The following FBN2 variants were observed in gnomAD, a reference collection of about 807,000 sequenced individuals.
The protein encoded by FBN2 is fibrillin 2.
Under a neutral mutation model 355.6 loss-of-function variants are expected in FBN2, and 105 were observed. The ratio of observed to expected loss-of-function variants is 0.30; its 90% CI spans 0.25 to 0.35. The LOEUF (loss-of-function observed/expected upper bound fraction) is 0.35. Ranked by LOEUF, FBN2 falls within the 10% of genes least tolerant of loss-of-function variation. The probability of loss-of-function intolerance (pLI) is 1.00; values close to 1 mark genes in which losing one functional copy is unlikely to be tolerated. For synonymous variants in FBN2, 1,350 were observed against 1,301.2 expected (o/e 1.04, Z -0.81); for missense variants, 3,280 against 3,758.7 (o/e 0.87, Z 3.33).
Position 128,259,536 on chromosome 5 carries a change from C to G in FBN2, c.8658G>C (p.Leu2886=). The change falls in exon 65 of 65, where the codon CTG becomes CTC. Residue 2886 remains leucine (L), a synonymous_variant. Coordinates refer to ENST00000262464, the MANE Select transcript of FBN2 (RefSeq NM_001999.4). ...PLYKKKELKK[L]EESNEDDYLL... ...GGTAGTCATCCTCATTGCTCTCTTC[C>G]AGTTTCTTAAGCTCCTTCTTCTTGT... 6.2e-7 allele frequency: 1 copy of G among 1,614,008 alleles called. No homozygotes were observed. Among genetic ancestry groups the G allele is most frequent in the Non-Finnish European group, 8.5e-7 (1 of 1,179,998 alleles).
At chr5:128,457,550 A>G (rs1438444294) in intron 6 of FBN2, among the ~76,000 whole-genome samples, 1 of 152,192 alleles carries the variant, frequency 6.6e-6, no homozygotes, top group Non-Finnish European at 1.5e-5. Flanking sequence ...GGGCAGCCAG[A>G]TAGAAAGGTC....
rs183527717 is a variant in FBN2, at chr5:128,328,400, C to G, written c.4471+296G>C. On this transcript the variant is annotated intron_variant, in intron 34 of 64. Coordinates refer to ENST00000262464, the MANE Select transcript of FBN2 (RefSeq NM_001999.4). ...CTTTAAAAGCTGAATAGTTTCTCCA[C>G]ATGTCATTCATTTAGTGATAAAAAA... is the stretch of plus-strand genomic sequence containing the variant. 6.7e-6 allele frequency: 4 copies of G among 596,788 alleles called. No homozygotes were observed. The African/African-American group carries it at 7.4e-5, about 11-fold the overall frequency. 37.0% of individuals were successfully genotyped at this position (596,788 alleles called of 1,614,324 possible).
chr5:128,520,189 G>A (rs1756393965), intron 4 of FBN2, among the ~76,000 whole-genome samples: 1 of 152,142 alleles, frequency 6.6e-6, no homozygotes, highest in East Asian at 1.9e-4. Context: ...GAGGGAGCCA[G>A]TAAACTTGAA....
At chr5:128,280,788 G>T (rs1283944508) in intron 55 of FBN2, among the ~76,000 whole-genome samples, 1 of 152,144 alleles carries the variant, frequency 6.6e-6, no homozygotes, top group Non-Finnish European at 1.5e-5. Context: ...AAAATCACAG[G>T]AACAACTATG....
chr5:128,378,461 GT>G (rs1201570412), intron 12 of FBN2, among the ~76,000 whole-genome samples: 2 of 152,126 alleles, frequency 1.3e-5, no homozygotes, highest in African/African-American at 4.8e-5. Flanking sequence ...GAAAACAGTA[GT>G]TTAAAATGAC....
chr5:128,357,627 G>C (rs1395159146), intron 19 of FBN2, among the ~76,000 whole-genome samples: 4 of 152,186 alleles, frequency 2.6e-5, no homozygotes, highest in Non-Finnish European at 4.4e-5. Context: ...TATTGGGAAA[G>C]AGTTCAGTTA....
intron 5 of FBN2, among the ~76,000 whole-genome samples, chr5:128,471,875 C>T (rs557206875): frequency 2.0e-5 from 3 of 152,002 alleles, no homozygotes; most frequent in East Asian, 1.9e-4. Context: ...TTAAGGTGCA[C>T]GACTGAAGTA....
intron 24 of FBN2, among the ~76,000 whole-genome samples, chr5:128,344,996 C>G (rs1038650882): frequency 6.6e-6 from 1 of 152,162 alleles, no homozygotes; most frequent in Admixed American, 6.5e-5. Context: ...CCACCACGCC[C>G]GGCCAAAGAT....
chr5:128,304,813 G>A (rs1207674035), intron 45 of FBN2, 144 bp downstream of exon 45: 1 of 1,030,314 alleles, frequency 9.7e-7, no homozygotes, highest in African/African-American at 1.6e-5. Context: ...ATTGAATCAA[G>A]ACTTAAATAG....
intron 62 of FBN2, among the ~76,000 whole-genome samples, chr5:128,270,669 A>G (rs188100150): frequency 6.6e-6 from 1 of 152,358 alleles, no homozygotes; most frequent in Admixed American, 6.5e-5. Flanking sequence ...ATTAAGCTAA[A>G]GAGCTTCTGC....
chr5:128,270,524 G>A (rs918047799), intron 62 of FBN2, among the ~76,000 whole-genome samples: 11 of 152,012 alleles, frequency 7.2e-5, no homozygotes, highest in African/African-American at 9.7e-5. Flanking sequence ...GCGAGAGTCC[G>A]TCCTAAAAAA....
intron 5 of FBN2, among the ~76,000 whole-genome samples, chr5:128,518,154 T>C (rs973730907): frequency 6.6e-6 from 1 of 152,134 alleles, no homozygotes; most frequent in Non-Finnish European, 1.5e-5. Context: ...GCCAGCAAAC[T>C]TGAGCCACTC....
intron 36 of FBN2, among the ~76,000 whole-genome samples, chr5:128,314,890 C>T (rs1283671606): frequency 1.3e-5 from 2 of 152,118 alleles, no homozygotes; most frequent in Non-Finnish European, 2.9e-5. Flanking sequence ...TCCAGTCTGT[C>T]AACTCCGTGG....
intron 4 of FBN2, among the ~76,000 whole-genome samples, chr5:128,522,635 C>T (rs756319553): frequency 1.3e-5 from 2 of 151,840 alleles, no homozygotes; most frequent in Admixed American, 6.6e-5. Context: ...AGAGCAATAG[C>T]AAAAGAAGAG....
At position 128,446,464 on chromosome 5, in the gene FBN2, A is replaced by G. The variant is rs753784985; in HGVS notation, c.952+17T>C. 3 of 1,613,192 alleles carry G rather than the reference A, an allele frequency of 1.9e-6. No homozygotes were observed. Among genetic ancestry groups the G allele is most frequent in the South Asian group, 1.1e-5 (1 of 91,042 alleles). ...AAAGTCACAATTAGGCATGCTTCCC[A>G]AAGTAGAGAGACTCACCTTCACATT... is the stretch of plus-strand genomic sequence containing the variant. On this transcript the variant is annotated intron_variant, in intron 7 of 64. Coordinates refer to ENST00000262464, the MANE Select transcript of FBN2 (RefSeq NM_001999.4).
At chr5:128,304,396 C>CCATT (rs1267861178) in intron 45 of FBN2, among the ~76,000 whole-genome samples, 2 of 152,138 alleles carry the variant, frequency 1.3e-5, no homozygotes, top group African/African-American at 4.8e-5. Flanking sequence ...ACTTGGCTAC[C>CCATT]CATTACATTA....
At chr5:128,303,823 T>A (rs1749787222) in intron 45 of FBN2, among the ~76,000 whole-genome samples, 1 of 152,198 alleles carries the variant, frequency 6.6e-6, no homozygotes, top group African/African-American at 2.4e-5. Flanking sequence ...TTCTGAATCA[T>A]AAATCTCATA....
In FBN2 at chr5:128,537,533, T is replaced by G. The variant is rs764396688; in HGVS notation, c.71A>C (p.Gln24Pro). 5 of 1,588,486 alleles carry G rather than the reference T, an allele frequency of 3.1e-6. No homozygotes were observed. The highest frequency in any genetic ancestry group is 4.3e-6 in the Non-Finnish European group (5 of 1,170,094). ...LWLGCVVLWA[Q>P]GTAGQPQPPP... ...AGGCTGAGGCTGGCCGGCCGTGCCC[T>G]GCGCCCAGAGCACCACACAGCCCAG... The change falls in exon 1 of 65, where the codon CAG (glutamine) becomes CCG (proline). Residue 24 changes from glutamine (Q) to proline (P), a missense_variant. By Grantham distance (76) the Gln-to-Pro change is moderately conservative. Transcript: ENST00000262464.
chr5:128,513,740 C>T (rs906764827), intron 5 of FBN2, among the ~76,000 whole-genome samples: 1 of 152,148 alleles, frequency 6.6e-6, no homozygotes, highest in African/African-American at 2.4e-5. Flanking sequence ...CAACACCAAG[C>T]GTCTCCACTT....
Sources: gnomAD v4.1 joint callset for allele counts (sites outside exome capture counted in the v4.1 genomes callset) on GRCh38, gnomAD v4.1.1 for gene constraint, MANE v1.5 for transcripts, NCBI Gene and HGNC (gene_info 2026-07-23, HGNC 2026-07-21) for gene names.